The following SPAG16 variants were observed in gnomAD, a reference collection of about 807,000 sequenced individuals.
The protein encoded by SPAG16 is sperm-associated antigen 16 protein.
In SPAG16, 86 loss-of-function variants were observed where a neutral mutation model predicts 80.4. That is an observed-to-expected ratio of 1.07 (90% CI 0.90 to 1.28). The LOEUF (loss-of-function observed/expected upper bound fraction) is 1.28, where lower values mean the gene tolerates loss of function less well. SPAG16 is among the 50% of genes most tolerant of loss of function. The pLI is 0.00. For missense variants in SPAG16, 870 were observed against 765.3 expected (o/e 1.14, Z -1.61); for synonymous variants, 294 against 265.9 (o/e 1.11, Z -1.03).
intron 11 of SPAG16, among the ~76,000 whole-genome samples, chr2:213,889,646 C>CAT (rs1163132671): frequency 2.0e-5 from 3 of 149,314 alleles, no homozygotes; most frequent in Non-Finnish European, 4.5e-5. Context: ...TATACACACA[C>CAT]ACATATATAC....
At chr2:213,696,371 C>T (rs914365966) in intron 10 of SPAG16, among the ~76,000 whole-genome samples, 1 of 152,090 alleles carries the variant, frequency 6.6e-6, no homozygotes, top group African/African-American at 2.4e-5. Context: ...GAAGAGAGGT[C>T]AGCACTGGCC....
rs141567507 is a variant in SPAG16, at chr2:214,124,213, C to G, written c.1593+15952C>G. 2.6e-5 allele frequency among the ~76,000 whole-genome samples: 4 copies of G among 151,610 alleles called. No homozygotes were observed. In the South Asian group the frequency reaches 8.4e-4, roughly 32 times the overall value. On this transcript the variant is annotated intron_variant, in intron 14 of 15. Transcript: ENST00000331683. The stretch of plus-strand genomic sequence containing the variant: ...GAAATTTAATATACTTTGCAGACTC[C>G]CCATGATTGTTTTGAGCATATGACT...
intron 10 of SPAG16, among the ~76,000 whole-genome samples, chr2:213,677,361 T>G (rs1196551898): frequency 6.6e-6 from 1 of 152,160 alleles, no homozygotes; most frequent in Non-Finnish European, 1.5e-5. Context: ...GTGTGTTGTA[T>G]TTGGGAAACC....
chr2:213,986,673 C>A (rs2046019989), intron 12 of SPAG16, among the ~76,000 whole-genome samples: 1 of 151,696 alleles, frequency 6.6e-6, no homozygotes, highest in African/African-American at 2.4e-5. Flanking sequence ...ACTTTACCTC[C>A]AAACAGCTAT....
chr2:213,310,103 A>T lies in SPAG16; in HGVS notation c.324A>T (p.Val108=). The change falls in exon 4 of 16, where the codon GTA becomes GTT. Residue 108 remains valine (V), a synonymous_variant. Coordinates refer to ENST00000331683, the MANE Select transcript of SPAG16 (RefSeq NM_024532.5). ...VLPSKHAVPE[V]IEDFLCNFLI... is the part of the protein sequence containing the mutation. ...CTTCAAAGCATGCAGTACCTGAAGT[A>T]ATAGAAGACTTTCTCTGCAATTTCT... 2 of 1,612,118 alleles carry T rather than the reference A, an allele frequency of 1.2e-6. No homozygotes were observed. The highest frequency in any genetic ancestry group is 1.1e-5 in the South Asian group (1 of 90,940).
chr2:214,398,181 C>T (rs1043747375), intron 15 of SPAG16, among the ~76,000 whole-genome samples: 8 of 152,124 alleles, frequency 5.3e-5, no homozygotes, highest in Non-Finnish European at 1.0e-4. Flanking sequence ...AATATAGAGA[C>T]AATGAAAGAA....
At chr2:214,203,537 C>G (rs2125725554) in intron 15 of SPAG16, among the ~76,000 whole-genome samples, 1 of 152,278 alleles carries the variant, frequency 6.6e-6, no homozygotes, top group East Asian at 1.9e-4. Flanking sequence ...GAACACACAT[C>G]CTCACATCCT....
intron 10 of SPAG16, among the ~76,000 whole-genome samples, chr2:213,521,032 C>T (rs77004769): frequency 5.3e-5 from 8 of 152,138 alleles, no homozygotes; most frequent in African/African-American, 1.9e-4. Flanking sequence ...GGCAGGTTAC[C>T]GTATCTCAAT....
intron 10 of SPAG16, among the ~76,000 whole-genome samples, chr2:213,677,714 C>G (rs2064159327): frequency 6.6e-6 from 1 of 152,140 alleles, no homozygotes; most frequent in African/African-American, 2.4e-5. Flanking sequence ...ATCAACGAGA[C>G]AAAAGGTCAA....
At chr2:213,597,002 G>C (rs1333582280) in intron 10 of SPAG16, among the ~76,000 whole-genome samples, 1 of 152,066 alleles carries the variant, frequency 6.6e-6, no homozygotes, top group East Asian at 1.9e-4. Context: ...AAAATGGTGA[G>C]AATGCAAGTG....
intron 15 of SPAG16, among the ~76,000 whole-genome samples, chr2:214,216,306 G>GTGA (rs145589763): frequency 0.11 from 16,000 of 151,714 alleles, 1,093 homozygotes; most frequent in East Asian, 0.18. Flanking sequence ...GAAAAATGCT[G>GTGA]TGATGATGAT....
chr2:214,311,797 G>A (rs912404360), intron 15 of SPAG16: 1 of 152,088 alleles, frequency 6.6e-6, no homozygotes, highest in African/African-American at 2.4e-5. Flanking sequence ...CTTTCTAAAT[G>A]TTTCCCTTTA....
intron 13 of SPAG16, among the ~76,000 whole-genome samples, chr2:214,024,758 G>A (rs891551290): frequency 6.6e-6 from 1 of 151,546 alleles, no homozygotes; most frequent in African/African-American, 2.4e-5. Context: ...CTTTTCAGGT[G>A]TGGTAGAATC....
chr2:214,166,372 G>A (rs1280283890), intron 15 of SPAG16, among the ~76,000 whole-genome samples: 4 of 152,148 alleles, frequency 2.6e-5, no homozygotes, highest in Admixed American at 2.6e-4. Context: ...GGAGAGTGAA[G>A]GGCAGGAAGA....
intron 10 of SPAG16, among the ~76,000 whole-genome samples, chr2:213,823,283 G>A (rs182249417): frequency 1.3e-5 from 2 of 152,296 alleles, no homozygotes; most frequent in Admixed American, 6.5e-5. Context: ...GCATGAGATG[G>A]TATCTCAGGG....
intron 10 of SPAG16, among the ~76,000 whole-genome samples, chr2:213,721,254 C>CCG: frequency 6.6e-6 from 1 of 152,046 alleles, no homozygotes; most frequent in Non-Finnish European, 1.5e-5. Flanking sequence ...ACCTGCCAAC[C>CCG]CGCCCAGCTC....
chr2:214,297,740 G>GACTT (rs1271507801), intron 15 of SPAG16, among the ~76,000 whole-genome samples: 1 of 149,826 alleles, frequency 6.7e-6, no homozygotes, highest in Non-Finnish European at 1.5e-5. Flanking sequence ...AGTTACTATA[G>GACTT]ACTTACAGTA....
At chr2:213,593,882 C>T (rs935075302) in intron 10 of SPAG16, among the ~76,000 whole-genome samples, 2 of 147,882 alleles carry the variant, frequency 1.4e-5, no homozygotes, top group Non-Finnish European at 3.0e-5. Flanking sequence ...TCCCGCTATT[C>T]TCCTGCCTCA....
At chr2:214,039,752 T>C (rs980610523) in intron 13 of SPAG16, among the ~76,000 whole-genome samples, 8 of 152,236 alleles carry the variant, frequency 5.3e-5, no homozygotes, top group African/African-American at 1.9e-4. Context: ...CTCTACCTTA[T>C]TTTGCTTTGT....
Sources: allele counts gnomAD v4.1 joint callset (sites outside exome capture counted in the v4.1 genomes callset), GRCh38; gene constraint gnomAD v4.1.1; transcripts MANE v1.5; gene names NCBI Gene and HGNC (gene_info 2026-07-23, HGNC 2026-07-21).